The following MND1 variants were observed in gnomAD, a reference collection of about 807,000 sequenced individuals.
MND1 encodes meiotic nuclear divisions 1.
Under a neutral mutation model 35.1 loss-of-function variants are expected in MND1, and 28 were observed. The ratio of observed to expected loss-of-function variants is 0.80; its 90% confidence interval spans 0.59 to 1.09. The LOEUF is 1.09. MND1 is among the 50% of genes least tolerant of loss of function. MND1 has a pLI of 0.00. For missense variants in MND1, 213 were observed against 239.6 expected, an observed-to-expected ratio of 0.89 and a Z score of 0.73; for synonymous variants, 69 against 70.5, an observed-to-expected ratio of 0.98 and a Z score of 0.11.
chr4:153,379,151 G>A (rs925954904), intron 4 of MND1, among the ~76,000 whole-genome samples: 5 of 151,684 alleles, frequency 3.3e-5, no homozygotes, highest in South Asian at 4.2e-4. Context: ...TTAGCTGGGC[G>A]TGGTTGCAGG....
At chr4:153,371,990 A>G (rs1456964581) in intron 4 of MND1, among the ~76,000 whole-genome samples, 1 of 152,020 alleles carries the variant, frequency 6.6e-6, no homozygotes, top group East Asian at 1.9e-4. Context: ...TGTCTCAAGG[A>G]ATAGGGAAGG....
At chr4:153,408,200 T>A (rs903665682) in intron 6 of MND1, among the ~76,000 whole-genome samples, 1 of 152,182 alleles carries the variant, frequency 6.6e-6, no homozygotes, top group African/African-American at 2.4e-5. Flanking sequence ...AGCCCGCCAG[T>A]TTGAGGCTGC....
intron 1 of MND1, among the ~76,000 whole-genome samples, chr4:153,344,966 G>T (rs1471917440): frequency 1.3e-5 from 2 of 152,148 alleles, no homozygotes; most frequent in Admixed American, 1.3e-4. Context: ...CCCGAGGCGC[G>T]GGGGCATCCG....
intron 6 of MND1, among the ~76,000 whole-genome samples, chr4:153,401,343 GT>G (rs1729343597): frequency 6.6e-6 from 1 of 152,186 alleles, no homozygotes; most frequent in Non-Finnish European, 1.5e-5. Context: ...AATGGAGTAT[GT>G]TTTGGTGGGA....
At position 153,358,852 on chromosome 4, in the gene MND1, GT is replaced by G. The variant is rs572078511; in HGVS notation, c.276+236del. On this transcript the variant is annotated intron_variant, in intron 4 of 7. Coordinates refer to ENST00000240488, the MANE Select transcript of MND1 (RefSeq NM_032117.4). ...TGTTTTTGTTGTTGCTGTTTTTATT[GT>G]TTTTTAATTTTCTCTTTATCAATAG... 1.3e-5 allele frequency among the ~76,000 whole-genome samples: 2 copies of G among 152,054 alleles called. 1 individual carries two copies. Among genetic ancestry groups the G allele is most frequent in the Non-Finnish European group, 2.9e-5 (2 of 67,984 alleles).
intron 4 of MND1, among the ~76,000 whole-genome samples, chr4:153,392,122 G>A (rs1275251812): frequency 6.7e-6 from 1 of 149,606 alleles, no homozygotes; most frequent in Non-Finnish European, 1.5e-5. Context: ...TTTTTTTTGA[G>A]ATGGAGTCTT....
chr4:153,388,415 A>G (rs1003211239), intron 4 of MND1, among the ~76,000 whole-genome samples: 17 of 152,172 alleles, frequency 1.1e-4, no homozygotes, highest in Non-Finnish European at 2.4e-4. Context: ...TGAACCCTGC[A>G]TTTCAAGGCT....
chr4:153,379,029 C>T (rs1728589042), intron 4 of MND1, among the ~76,000 whole-genome samples: 1 of 152,122 alleles, frequency 6.6e-6, no homozygotes, highest in South Asian at 2.1e-4. Flanking sequence ...TGACTCACGT[C>T]TGTAATCCCA....
At chr4:153,403,143 A>G (rs1422111838) in intron 6 of MND1, among the ~76,000 whole-genome samples, 1 of 151,948 alleles carries the variant, frequency 6.6e-6, no homozygotes, top group African/African-American at 2.4e-5. Context: ...TAAAAAAAAA[A>G]GGAGAAACTA....
At chr4:153,406,729 C>T (rs1235608171) in intron 6 of MND1, among the ~76,000 whole-genome samples, 1 of 152,106 alleles carries the variant, frequency 6.6e-6, no homozygotes, top group Admixed American at 6.6e-5. Context: ...AAAAGATGCA[C>T]AAAATCATTA....
chr4:153,344,687 C>T (rs142163233), upstream of MND1: 3,107 of 1,541,382 alleles, frequency 2.0e-3, 50 homozygotes, highest in African/African-American at 0.033. Flanking sequence ...GCCTGTCCCG[C>T]CCCTCTCCCC....
intron 7 of MND1, among the ~76,000 whole-genome samples, chr4:153,412,638 ATGC>A (rs1729716470): frequency 6.6e-6 from 1 of 151,620 alleles, no homozygotes; most frequent in East Asian, 1.9e-4. Context: ...GCACACCACC[ATGC>A]CCGGCTAATT....
At chr4:153,391,440 C>T (rs1475377306) in intron 4 of MND1, among the ~76,000 whole-genome samples, 1 of 151,958 alleles carries the variant, frequency 6.6e-6, no homozygotes, top group Non-Finnish European at 1.5e-5. Flanking sequence ...AAGAACTAGA[C>T]TCCGGCCGGG....
At chr4:153,362,425 C>T (rs972854052) in intron 4 of MND1, among the ~76,000 whole-genome samples, 3 of 152,180 alleles carry the variant, frequency 2.0e-5, no homozygotes, top group African/African-American at 7.2e-5. Flanking sequence ...AGCACCTCCC[C>T]CGCTTTCAGT....
intron 2 of MND1, among the ~76,000 whole-genome samples, chr4:153,352,776 A>G (rs1377046280): frequency 1.3e-5 from 2 of 150,048 alleles, no homozygotes; most frequent in Non-Finnish European, 3.0e-5. Context: ...AAACACAACG[A>G]TATTATCTAG....
At chr4:153,362,917 A>G (rs1773530570) in intron 4 of MND1, 1 of 726,912 alleles carries the variant, frequency 1.4e-6, no homozygotes, top group African/African-American at 1.9e-5. Flanking sequence ...TTTATACAGG[A>G]TGAGTACTGC....
At chr4:153,344,791 C>T in intron 1 of MND1, 51 bp downstream of exon 1, 1 of 1,589,866 alleles carries the variant, frequency 6.3e-7, no homozygotes, top group Non-Finnish European at 8.6e-7. Flanking sequence ...AGTGTGTGGG[C>T]TTCGCCGCCC....
At chr4:153,352,486 A>G (rs1352715976) in intron 2 of MND1, among the ~76,000 whole-genome samples, 2 of 152,186 alleles carry the variant, frequency 1.3e-5, no homozygotes, top group Non-Finnish European at 2.9e-5. Context: ...CATCTCTTAA[A>G]GAAGATGATA....
At chr4:153,361,131 C>G (rs1243255650) in intron 4 of MND1, among the ~76,000 whole-genome samples, 1 of 152,232 alleles carries the variant, frequency 6.6e-6, no homozygotes, top group African/African-American at 2.4e-5. Context: ...TGCGACCGGC[C>G]TGTAACCCTG....
Sources: gnomAD v4.1 joint callset for allele counts (sites outside exome capture counted in the v4.1 genomes callset) on GRCh38, gnomAD v4.1.1 for gene constraint, MANE v1.5 for transcripts, NCBI Gene and HGNC (gene_info 2026-07-23, HGNC 2026-07-21) for gene names.